TNKS: variants seen among roughly 807,000 people sequenced by gnomAD.
The protein encoded by TNKS is poly [ADP-ribose] polymerase tankyrase-1.
A neutral mutation model predicts 135.8 loss-of-function variants in TNKS; 72 were observed. The ratio of observed to expected loss-of-function variants is 0.53; its 90% CI spans 0.44 to 0.64. TNKS has a LOEUF of 0.64. TNKS is among the 30% of genes least tolerant of loss of function. The pLI is 0.00. For synonymous variants in TNKS, 849 were observed against 649.3 expected (o/e 1.31, Z -4.68); for missense variants, 1,769 against 1,674.0 (o/e 1.06, Z -0.99).
Position 9,751,935 on chromosome 8 carries a change from C to T in TNKS, c.3070+89C>T, listed in dbSNP as rs1054808051. 1.3e-5 allele frequency: 15 copies of T among 1,129,590 alleles called. No individual in the cohort carries two copies. The Admixed American group carries it at 2.2e-4, about 17-fold the overall frequency. 70.0% of individuals were successfully genotyped at this position (1,129,590 alleles called of 1,614,324 possible). A position where few individuals can be genotyped will look rare whatever the true frequency, so the allele number is the denominator to read the frequency against. ...TTCTATTGATAACTATTGAATGCCTCAATTAGAGACGTCCTGTCTGTAAAT... is the reference window on the plus strand; with the variant it reads ...TTCTATTGATAACTATTGAATGCCTTAATTAGAGACGTCCTGTCTGTAAAT... On this transcript the variant is annotated intron_variant, in intron 19 of 26. Coordinates refer to ENST00000310430, the MANE Select transcript of TNKS (RefSeq NM_003747.3).
intron 5 of TNKS, among the ~76,000 whole-genome samples, chr8:9,686,481 G>A (rs572104103): frequency 2.6e-5 from 4 of 152,126 alleles, no homozygotes; most frequent in Non-Finnish European, 5.9e-5. Context: ...TGTAGTAATA[G>A]ATAACTGAAA....
chr8:9,726,642 G>C lies in TNKS; in HGVS notation c.1923G>C (p.Glu641Asp), dbSNP rs781374635. 10 of 1,608,518 alleles carry C rather than the reference G, an allele frequency of 6.2e-6. No individual in the cohort carries two copies. Among genetic ancestry groups the C allele is most frequent in the Non-Finnish European group, 7.6e-6 (9 of 1,176,742 alleles). The change falls in exon 13 of 27, where the codon GAG (glutamate) becomes GAC (aspartate). Residue 641 changes from glutamate to aspartate, a missense_variant and splice_region_variant. Transcript: ENST00000310430. ...GNEAVQQILS[E>D]STPIRTSDVD... Reference sequence around the variant, plus strand: ...AGTTCTTTCCTTCCTTTTATGCAGAGAGTACACCTATACGTACTTCTGATG... The same window carrying C: ...AGTTCTTTCCTTCCTTTTATGCAGACAGTACACCTATACGTACTTCTGATG...
At position 9,556,365 on chromosome 8, in the gene TNKS, T is replaced by C. The variant is rs33985989; in HGVS notation, c.426T>C (p.Ser142=). Residue 142 remains serine (S), a synonymous_variant, in exon 1 of 27, where the codon TCT becomes TCC. Coordinates refer to ENST00000310430, the MANE Select transcript of TNKS (RefSeq NM_003747.3). ...CCCCGACTTCTTCCTCATCTTCCTC[T>C]CCATCCTCCCCTGGATCGAGCTTGG... ...SSSPTSSSSS[S]PSSPGSSLAE... The C allele has an allele frequency of 0.033, 53,425 of 1,614,124 alleles. 1,097 individuals carry two copies. Among genetic ancestry groups the C allele is most frequent in the Non-Finnish European group, 0.039 (45,716 of 1,179,984 alleles).
At chr8:9,731,460 C>CAAAA (rs36213271) in intron 14 of TNKS, among the ~76,000 whole-genome samples, 84 of 67,474 alleles carry the variant, frequency 1.2e-3, no homozygotes, top group Non-Finnish European at 1.6e-3. Context: ...AATTCCATCT[C>CAAAA]AAAAAAAAAA....
chr8:9,660,941 T>A (rs548370118), intron 3 of TNKS, among the ~76,000 whole-genome samples: 1 of 145,650 alleles, frequency 6.9e-6, no homozygotes, highest in African/African-American at 2.6e-5. Flanking sequence ...TATACACCAA[T>A]AGCAGACAGA....
chr8:9,693,380 A>G (rs1301184152), intron 5 of TNKS, among the ~76,000 whole-genome samples: 1 of 152,226 alleles, frequency 6.6e-6, no homozygotes, highest in African/African-American at 2.4e-5. Flanking sequence ...ACATGTTCAT[A>G]TACATGGAAA....
intron 1 of TNKS, among the ~76,000 whole-genome samples, chr8:9,562,091 A>G (rs916788022): frequency 6.6e-6 from 1 of 152,124 alleles, no homozygotes; most frequent in Non-Finnish European, 1.5e-5. Context: ...TGCTGGGATT[A>G]CAGGAGTGAC....
intron 3 of TNKS, among the ~76,000 whole-genome samples, chr8:9,644,235 T>G (rs546673147): frequency 6.6e-6 from 1 of 152,274 alleles, no homozygotes; most frequent in South Asian, 2.1e-4. Context: ...AATGCCACTG[T>G]GTACTTAAAA....
chr8:9,677,543 T>C (rs918390839), intron 3 of TNKS, among the ~76,000 whole-genome samples: 9 of 152,240 alleles, frequency 5.9e-5, no homozygotes, highest in African/African-American at 2.2e-4. Context: ...GTTTTTACTG[T>C]CTATCAGGGA....
intron 3 of TNKS, among the ~76,000 whole-genome samples, chr8:9,630,147 T>C (rs1319626984): frequency 1.3e-5 from 2 of 152,230 alleles, no homozygotes; most frequent in African/African-American, 4.8e-5. Flanking sequence ...GTTTTGTTTA[T>C]TCATGGCCTG....
At chr8:9,760,630 T>C (rs541109239) in intron 20 of TNKS, among the ~76,000 whole-genome samples, 68 of 152,270 alleles carry the variant, frequency 4.5e-4, no homozygotes, top group African/African-American at 1.6e-3. Context: ...GGCTGGAAAA[T>C]TGCATGTTCA....
At chr8:9,750,568 G>C (rs1563208928) in intron 18 of TNKS, among the ~76,000 whole-genome samples, 1 of 152,128 alleles carries the variant, frequency 6.6e-6, no homozygotes, top group Non-Finnish European at 1.5e-5. Flanking sequence ...CTCGCCTTCA[G>C]TAGCACTTGC....
chr8:9,556,699 A>C, intron 1 of TNKS, 87 bp downstream of exon 1: 1 of 1,484,856 alleles, frequency 6.7e-7, no homozygotes, highest in Non-Finnish European at 9.3e-7. Context: ...TTGTGATGGG[A>C]CAAAGTGGGG....
At chr8:9,582,422 C>T (rs1375857887) in intron 2 of TNKS, among the ~76,000 whole-genome samples, 2 of 151,970 alleles carry the variant, frequency 1.3e-5, no homozygotes, top group African/African-American at 4.8e-5. Flanking sequence ...GAAATACTGG[C>T]CTGATTTTTA....
chr8:9,756,140 G>A (rs1324803635), intron 20 of TNKS, among the ~76,000 whole-genome samples: 1 of 151,918 alleles, frequency 6.6e-6, no homozygotes, highest in Non-Finnish European at 1.5e-5. Context: ...ACATTTTTAT[G>A]GTTAACCTAT....
rs770932578 is a variant in TNKS, at chr8:9,766,382, G to C, written c.3697G>C (p.Gly1233Arg). Residue 1233 changes from glycine (G) to arginine (R), a missense_variant, in exon 25 of 27, where the codon GGC (glycine) becomes CGC (arginine). Gly to Arg is a moderately radical substitution (Grantham distance 125, BLOSUM62 -2). Around this residue, in one of 5 missense-constraint regions of TNKS, gnomAD observed 722 missense variants for 688.9 expected, o/e 1.05. Transcript: ENST00000310430. ...QYVYGIGGGT[G>R]CPTHKDRSCY... ...TGTTTATGGAATTGGAGGAGGAACA[G>C]GCTGCCCTACACACAAGGACAGGTC... is the stretch of plus-strand genomic sequence containing the variant. The C allele has an allele frequency of 6.2e-7, 1 of 1,613,568 alleles. No homozygotes were observed. The highest frequency in any genetic ancestry group is 1.3e-5 in the African/African-American group (1 of 74,982).
At chr8:9,567,468 C>T (rs552633794) in intron 1 of TNKS, among the ~76,000 whole-genome samples, 106 of 152,074 alleles carry the variant, frequency 7.0e-4, no homozygotes, top group East Asian at 3.3e-3. Flanking sequence ...CAGGCTGGAG[C>T]GCAGTGGCGC....
chr8:9,576,740 G>A (rs1797964829), intron 1 of TNKS, among the ~76,000 whole-genome samples: 2 of 151,962 alleles, frequency 1.3e-5, no homozygotes, highest in African/African-American at 2.4e-5. Context: ...GGGACACAGA[G>A]CCAAACCATA....
intron 3 of TNKS, among the ~76,000 whole-genome samples, chr8:9,634,890 C>A (rs960577787): frequency 1.1e-4 from 17 of 152,126 alleles, no homozygotes; most frequent in Admixed American, 9.2e-4. Context: ...AAGTAATGAA[C>A]TGCTCGGCCG....
Sources: allele counts gnomAD v4.1 joint callset (sites outside exome capture counted in the v4.1 genomes callset), GRCh38; gene constraint gnomAD v4.1.1; regional missense constraint gnomAD v4.1.1; transcripts MANE v1.5; gene names NCBI Gene and HGNC (gene_info 2026-07-23, HGNC 2026-07-21).